Variants in SMG1 observed in about 807,000 individuals in gnomAD.
SMG1 encodes the protein SMG1 nonsense mediated mRNA decay associated PI3K related kinase.
SMG1 carries 22 observed loss-of-function variants against 419.9 expected under a neutral mutation model. The ratio of observed to expected loss-of-function variants is 0.05; its 90% CI spans 0.04 to 0.07. The LOEUF is 0.07. Ranked by LOEUF, SMG1 falls within the 10% of genes least tolerant of loss-of-function variation. The pLI is 1.00. For synonymous variants in SMG1, 1,538 were observed against 1,553.5 expected (o/e 0.99, Z 0.23); for missense variants, 3,185 against 4,342.0 (o/e 0.73, Z 7.49).
Position 18,848,869 on chromosome 16 carries a change from A to C in SMG1, c.5623+348T>G, listed in dbSNP as rs940995332. On this transcript the variant is annotated intron_variant, in intron 36 of 62. Coordinates refer to ENST00000446231, the MANE Select transcript of SMG1 (RefSeq NM_015092.5). ...AAGTGGATCACGAGGTCAGGAGTTCAAGACCAGCCTGGCCAAGATGGTGAA... is the reference window on the plus strand; with the variant it reads ...AAGTGGATCACGAGGTCAGGAGTTCCAGACCAGCCTGGCCAAGATGGTGAA... Among the ~76,000 whole-genome samples the C allele has an allele frequency of 2.6e-5, 4 of 151,556 alleles. No homozygotes were observed. The South Asian group carries it at 8.4e-4, about 32-fold the overall frequency.
chr16:18,821,293 G>T (rs2032544356), intron 55 of SMG1, among the ~76,000 whole-genome samples: 1 of 41,228 alleles, frequency 2.4e-5, no homozygotes, highest in African/African-American at 9.3e-5. Context: ...TAGGGTACAT[G>T]TGCACATTGT....
At chr16:18,922,627 G>T (rs1416923909) in intron 1 of SMG1, among the ~76,000 whole-genome samples, 6 of 152,086 alleles carry the variant, frequency 3.9e-5, no homozygotes, top group Admixed American at 3.9e-4. Flanking sequence ...ACCATATCCC[G>T]CTAATTTATT....
rs550064983 is a variant in SMG1 at position 18,925,987 on chromosome 16, TGCCGCCGCC to T, written c.46_54del (p.Gly16_Gly18del). ...TCATTCCAGCTCCGCGGATACTTGG[TGCCGCCGCC>T]GCCGCCGCCGCTGCTCAGCCGAGAC... On this transcript the variant is annotated inframe_deletion, in exon 1 of 63. Transcript: ENST00000446231. 397 of 1,575,056 alleles carry T rather than the reference TGCCGCCGCC, an allele frequency of 2.5e-4. No homozygotes were observed. The highest frequency in any genetic ancestry group is 1.7e-3 in the East Asian group (70 of 42,370).
intron 13 of SMG1, among the ~76,000 whole-genome samples, chr16:18,873,722 T>C (rs991140155): frequency 2.0e-5 from 3 of 152,202 alleles, no homozygotes; most frequent in Admixed American, 6.5e-5. Flanking sequence ...TAGACTGTAT[T>C]TCCTCAATTT....
At chr16:18,925,390 C>T (rs1328993547) in intron 1 of SMG1, 1 of 152,318 alleles carries the variant, frequency 6.6e-6, no homozygotes, top group Non-Finnish European at 1.5e-5. Context: ...GGGTCGATCC[C>T]ATCAACAGTC....
intron 1 of SMG1, among the ~76,000 whole-genome samples, chr16:18,899,169 A>G (rs1243793984): frequency 6.6e-6 from 1 of 152,184 alleles, no homozygotes; most frequent in Non-Finnish European, 1.5e-5. Context: ...CAGTCAATAT[A>G]GAGCAACTTA....
intron 18 of SMG1, among the ~76,000 whole-genome samples, chr16:18,870,261 C>T (rs551651119): frequency 3.3e-4 from 50 of 152,198 alleles, no homozygotes; most frequent in African/African-American, 1.1e-3. Context: ...TTATGTATTA[C>T]AAAAGGATCA....
chr16:18,834,443 A>G lies in SMG1; in HGVS notation c.8331-5T>C. 6.2e-7 allele frequency: 1 copy of G among 1,611,612 alleles called. No homozygotes were observed. The highest frequency in any genetic ancestry group is 8.5e-7 in the Non-Finnish European group (1 of 1,178,740). On this transcript the variant is annotated splice_polypyrimidine_tract_variant and splice_region_variant and intron_variant, in intron 49 of 62. Coordinates refer to ENST00000446231, the MANE Select transcript of SMG1 (RefSeq NM_015092.5). ...CCTTCCATCATCAGGTTACGCCTAC[A>G]AGAGATAAATATCTGTACAGTGAAA...
intron 22 of SMG1, 67 bp from the exon 23 acceptor site, chr16:18,866,842 A>T: frequency 7.2e-7 from 1 of 1,390,604 alleles, no homozygotes; most frequent in Non-Finnish European, 1.0e-6. Flanking sequence ...TAAAATTTAC[A>T]ACTGATCAGT....
intron 48 of SMG1, among the ~76,000 whole-genome samples, 174 bp from the exon 49 acceptor site, chr16:18,835,338 G>C (rs556480236): frequency 6.6e-6 from 1 of 152,290 alleles, no homozygotes; most frequent in South Asian, 2.1e-4. Flanking sequence ...GTTGATGACT[G>C]TGACAGAATC....
intron 41 of SMG1, among the ~76,000 whole-genome samples, chr16:18,840,514 G>A (rs1052489700): frequency 1.3e-5 from 2 of 152,108 alleles, no homozygotes; most frequent in Admixed American, 1.3e-4. Flanking sequence ...GCTAGATGTG[G>A]GATCCTGAAG....
chr16:18,926,112 C>T lies in SMG1; in HGVS notation c.-71G>A. 1.5e-6 allele frequency: 2 copies of T among 1,359,432 alleles called. No individual in the cohort carries two copies. The highest frequency in any genetic ancestry group is 2.0e-6 in the Non-Finnish European group (2 of 1,016,624). The allele number at this position is 1,359,432 out of a possible 1,614,324, so 84.2% of individuals were successfully genotyped here. A position where few individuals can be genotyped will look rare whatever the true frequency, so the allele number is the denominator to read the frequency against. ...CGCGAGTCGCCGCCCGAACCGGCCG[C>T]CGCCGACACCCCGCTCCGGCCCGGG... On this transcript the variant is annotated 5_prime_UTR_variant, in exon 1 of 63. Transcript: ENST00000446231.
At chr16:18,874,916 TTTTC>T (rs1428821803) in intron 13 of SMG1, among the ~76,000 whole-genome samples, 4 of 140,732 alleles carry the variant, frequency 2.8e-5, no homozygotes, top group African/African-American at 8.5e-5. Context: ...TTTTTTTTTT[TTTTC>T]CCCTAAAAGA....
intron 26 of SMG1, among the ~76,000 whole-genome samples, chr16:18,860,248 C>T (rs1401781525): frequency 1.3e-5 from 2 of 152,070 alleles, no homozygotes; most frequent in Non-Finnish European, 2.9e-5. Flanking sequence ...AGTCAATCTA[C>T]TATTTAAGGG....
intron 1 of SMG1, among the ~76,000 whole-genome samples, chr16:18,903,488 A>T (rs1036024734): frequency 2.4e-4 from 37 of 152,102 alleles, no homozygotes; most frequent in Non-Finnish European, 4.6e-4. Context: ...TTCTCCCACC[A>T]CTACCAGTGG....
intron 10 of SMG1, 104 bp downstream of exon 10, chr16:18,882,061 A>G: frequency 1.3e-6 from 1 of 768,776 alleles, no homozygotes; most frequent in East Asian, 2.8e-5. Context: ...CATACATGCT[A>G]AACAAATGAA....
rs1291632588 is a variant in SMG1, at chr16:18,806,264, C to G, written c.*3305G>C. 1 of 152,568 alleles carries G rather than the reference C, an allele frequency of 6.6e-6. No individual in the cohort carries two copies. Among genetic ancestry groups the G allele is most frequent in the Non-Finnish European group, 1.5e-5 (1 of 68,034 alleles). 9.5% of individuals were successfully genotyped at this position (152,568 alleles called of 1,614,324 possible). A position where few individuals can be genotyped will look rare whatever the true frequency, so the allele number is the denominator to read the frequency against. The stretch of plus-strand genomic sequence containing the variant: ...TGGACAATATTAAGAAAACTACTTA[C>G]TAAGCTTAGGTAATAGAGGCAAGGG... On this transcript the variant is annotated 3_prime_UTR_variant, in exon 63 of 63. Coordinates refer to ENST00000446231, the MANE Select transcript of SMG1 (RefSeq NM_015092.5).
At chr16:18,859,905 T>C (rs1163748668) in intron 26 of SMG1, among the ~76,000 whole-genome samples, 1 of 152,182 alleles carries the variant, frequency 6.6e-6, no homozygotes, top group African/African-American at 2.4e-5. Context: ...TAAAAAGCAG[T>C]TGCCTTCAAA....
chr16:18,866,310 G>T (rs1247691330), intron 23 of SMG1: 3 of 399,354 alleles, frequency 7.5e-6, no homozygotes, highest in Non-Finnish European at 1.4e-5. Flanking sequence ...TGACAATAAA[G>T]GGTAATTTGT....
Sources: gnomAD v4.1 joint callset for allele counts (sites outside exome capture counted in the v4.1 genomes callset) on GRCh38, gnomAD v4.1.1 for gene constraint, MANE v1.5 for transcripts, NCBI Gene and HGNC (gene_info 2026-07-23, HGNC 2026-07-21) for gene names.